FLYWCH1: variants seen among roughly 807,000 people sequenced by gnomAD.
FLYWCH1 encodes the protein FLYWCH-type zinc finger-containing protein 1.
In FLYWCH1, 75 loss-of-function variants were observed where a neutral mutation model predicts 66.4. The observed-to-expected ratio is 1.13, with a 90% CI of 0.94 to 1.37. The LOEUF is 1.37. FLYWCH1 is among the 40% of genes most tolerant of loss of function. The probability of loss-of-function intolerance (pLI) is 0.00; values close to 1 mark genes in which losing one functional copy is unlikely to be tolerated. For missense variants in FLYWCH1, 1,334 were observed against 1,001.8 expected (o/e 1.33, Z -4.48); for synonymous variants, 595 against 429.9 (o/e 1.38, Z -4.75).
intron 2 of FLYWCH1, 65 bp from the exon 3 acceptor site, chr16:2,929,548 C>G: frequency 8.5e-7 from 1 of 1,178,908 alleles, no homozygotes; most frequent in Non-Finnish European, 1.2e-6. Flanking sequence ...CACCTCCCTC[C>G]CAGATCCACG....
rs554729936 is a variant in FLYWCH1 at position 2,933,476 on chromosome 16, G to C, written c.1143G>C (p.Leu381=). The change falls in exon 5 of 10, where the codon CTG becomes CTC. Residue 381 remains leucine (L), a synonymous_variant. Coordinates refer to ENST00000253928, the MANE Select transcript of FLYWCH1 (RefSeq NM_001308068.2). The stretch of plus-strand genomic sequence containing the variant: ...TCTACCGCAGGGGTCCGGGTCCCCT[G>C]ACTCTCACCAGGCCTCGGCCCAGAA... ...SLLYRRGPGP[L]TLTRPRPRKR... is the part of the protein sequence containing the mutation. 1.3e-5 allele frequency: 21 copies of C among 1,605,502 alleles called. No individual in the cohort carries two copies. In the South Asian group the frequency reaches 1.9e-4, roughly 14 times the overall value.
rs867435765 is a variant in FLYWCH1 at position 2,937,452 on chromosome 16, G to C, written c.1777+68G>C. On this transcript the variant is annotated intron_variant, in intron 7 of 9. Transcript: ENST00000253928. ...GGACCTGTGCCCCACACGCTGGCTGGAGGCTGCCCGTGGGGTGTTGTGTGT... is the reference window on the plus strand; with the variant it reads ...GGACCTGTGCCCCACACGCTGGCTGCAGGCTGCCCGTGGGGTGTTGTGTGT... 5 of 1,458,890 alleles carry C rather than the reference G, an allele frequency of 3.4e-6. No homozygotes were observed. The South Asian group carries it at 5.8e-5, about 17-fold the overall frequency. 90.4% of individuals were successfully genotyped at this position (1,458,890 alleles called of 1,614,324 possible).
intron 2 of FLYWCH1, among the ~76,000 whole-genome samples, chr16:2,918,237 TC>T (rs2070242280): frequency 7.4e-6 from 1 of 135,610 alleles, no homozygotes; most frequent in Non-Finnish European, 1.5e-5. Flanking sequence ...AAGCTCCGCC[TC>T]CCAGGCTCAC....
At chr16:2,924,562 A>G (rs2070489395) in intron 2 of FLYWCH1, among the ~76,000 whole-genome samples, 2 of 152,178 alleles carry the variant, frequency 1.3e-5, no homozygotes, top group African/African-American at 4.8e-5. Context: ...TGCTCTGCAC[A>G]TGGCCTCTCC....
At chr16:2,917,818 C>A (rs1339610650) in intron 2 of FLYWCH1, among the ~76,000 whole-genome samples, 2 of 147,988 alleles carry the variant, frequency 1.4e-5, no homozygotes, top group Non-Finnish European at 1.5e-5. Flanking sequence ...CGATCCTCTC[C>A]CCACCCCCCA....
intron 7 of FLYWCH1, among the ~76,000 whole-genome samples, chr16:2,937,589 G>A (rs552766207): frequency 4.3e-4 from 66 of 152,288 alleles, no homozygotes; most frequent in South Asian, 3.5e-3. Context: ...ACTGGCTGTC[G>A]GAGGTAGAAA....
In FLYWCH1 at chr16:2,937,545, C is replaced by T. The variant is rs187308416; in HGVS notation, c.1777+161C>T. On this transcript the variant is annotated intron_variant, in intron 7 of 9. Transcript: ENST00000253928. ...GGCAGGAGGCTCCATCTGCGGGCTC[C>T]GAGCTCCTGCAGCTGGTCCTCTGGG... Among the ~76,000 whole-genome samples the T allele has an allele frequency of 5.3e-3, 804 of 152,314 alleles. 2 individuals carry two copies. The highest frequency in any genetic ancestry group is 8.6e-3 in the Non-Finnish European group (582 of 68,000).
chr16:2,922,484 T>A (rs1981538), intron 2 of FLYWCH1: 7 of 233,028 alleles, frequency 3.0e-5, no homozygotes, highest in Admixed American at 1.0e-4. Context: ...CTCATCCTCC[T>A]GCCCCTGGCA....
chr16:2,938,101 C>T, intron 7 of FLYWCH1, 83 bp from the exon 8 acceptor site: 1 of 1,390,612 alleles, frequency 7.2e-7, no homozygotes, highest in Non-Finnish European at 9.8e-7. Flanking sequence ...CTGGTGGGGC[C>T]TGGCTGGGGG....
Position 2,944,078 on chromosome 16 carries a change from G to A in FLYWCH1, c.2111+3986G>A, listed in dbSNP as rs557106297. 1.3e-3 allele frequency among the ~76,000 whole-genome samples: 200 copies of A among 152,122 alleles called. 1 individual carries two copies. The highest frequency in any genetic ancestry group is 5.4e-4 in the Non-Finnish European group (37 of 68,004). ...GCATCTACACTCCAGCCCAGCGGAC[G>A]GAGAGAGAACCTGTCTCAGAAATAA... On this transcript the variant is annotated intron_variant, in intron 9 of 9. Coordinates refer to ENST00000253928, the MANE Select transcript of FLYWCH1 (RefSeq NM_001308068.2).
At chr16:2,940,735 C>A (rs775547792) in intron 9 of FLYWCH1, among the ~76,000 whole-genome samples, 2 of 152,184 alleles carry the variant, frequency 1.3e-5, no homozygotes, top group Admixed American at 6.5e-5. Context: ...CTGTGCCCAG[C>A]CTTGTTATTG....
chr16:2,946,476 C>T (rs1197688273), intron 9 of FLYWCH1, among the ~76,000 whole-genome samples: 1 of 151,768 alleles, frequency 6.6e-6, no homozygotes, highest in Non-Finnish European at 1.5e-5. Flanking sequence ...CGTGTGTCAC[C>T]ACACCTGGCT....
intron 2 of FLYWCH1, among the ~76,000 whole-genome samples, chr16:2,916,982 A>C (rs1378175725): frequency 7.2e-5 from 1 of 13,928 alleles, no homozygotes; most frequent in Non-Finnish European, 3.2e-4. Context: ...ATCTCTAGTA[A>C]AAAAAAAAAA....
rs556476194 is a variant in FLYWCH1 at position 2,950,134 on chromosome 16, C to G, written c.*1407C>G. 6.6e-6 allele frequency: 1 copy of G among 152,262 alleles called. No homozygotes were observed. The highest frequency in any genetic ancestry group is 2.4e-5 in the African/African-American group (1 of 41,444). The allele number at this position is 152,262 out of a possible 1,614,324, so 9.4% of individuals were successfully genotyped here. The stretch of plus-strand genomic sequence containing the variant: ...CATTAGCCTGCGTTACGCCTAGACT[C>G]ATCTGCATAAGCCTGGGCAAGTGGC... On this transcript the variant is annotated 3_prime_UTR_variant, in exon 10 of 10. Coordinates refer to ENST00000253928, the MANE Select transcript of FLYWCH1 (RefSeq NM_001308068.2).
rs557458903 is a variant in FLYWCH1, at chr16:2,936,833, G to A, written c.1514-288G>A. 974 of 606,910 alleles carry A rather than the reference G, an allele frequency of 1.6e-3. 12 individuals are homozygous for A. The highest frequency in any genetic ancestry group is 0.015 in the African/African-American group (855 of 55,364). The allele number at this position is 606,910 out of a possible 1,614,324, so 37.6% of individuals were successfully genotyped here. ...GCAAGCCTGGGCGGGTGCTGGGGAC[G>A]GACGAGTGACGCAGCAGACACTGCC... is the stretch of plus-strand genomic sequence containing the variant. On this transcript the variant is annotated intron_variant, in intron 6 of 9. Transcript: ENST00000253928.
At chr16:2,939,949 G>T in intron 8 of FLYWCH1, 83 bp from the exon 9 acceptor site, 2 of 1,504,164 alleles carry the variant, frequency 1.3e-6, no homozygotes, top group Middle Eastern at 1.7e-4. Context: ...TGAGGGCGTC[G>T]TTAACAAGGT....
At chr16:2,946,425 G>A (rs12149233) in intron 9 of FLYWCH1, among the ~76,000 whole-genome samples, 16 of 148,188 alleles carry the variant, frequency 1.1e-4, no homozygotes, top group South Asian at 8.6e-4. Flanking sequence ...AGGTTCAAGC[G>A]ATTCTCCTCC....
chr16:2,927,053 C>T (rs1428494274), intron 2 of FLYWCH1, among the ~76,000 whole-genome samples: 5 of 152,176 alleles, frequency 3.3e-5, no homozygotes, highest in Non-Finnish European at 7.3e-5. Context: ...GGCTGCCAGC[C>T]GAGCTTCAGT....
At chr16:2,925,445 TTCAGTCCCAC>T (rs935466890) in intron 2 of FLYWCH1, among the ~76,000 whole-genome samples, 4 of 142,938 alleles carry the variant, frequency 2.8e-5, no homozygotes, top group African/African-American at 5.0e-5. Flanking sequence ...CCCAGTGCCA[TTCAGTCCCAC>T]TCAGTCCCAC....
Sources: gnomAD v4.1 joint callset for allele counts (sites outside exome capture counted in the v4.1 genomes callset) on GRCh38, gnomAD v4.1.1 for gene constraint, MANE v1.5 for transcripts, NCBI Gene and HGNC (gene_info 2026-07-23, HGNC 2026-07-21) for gene names.